Variants in HIVEP3 observed in about 807,000 individuals in gnomAD.
HIVEP3 encodes the protein transcription factor HIVEP3.
In HIVEP3, 49 loss-of-function variants were observed where a neutral mutation model predicts 152.8. The ratio of observed to expected loss-of-function variants is 0.32; its 90% CI spans 0.26 to 0.41. The LOEUF is 0.41. HIVEP3 is among the 10% of genes least tolerant of loss of function. The pLI, the probability that HIVEP3 is intolerant of heterozygous loss-of-function variation, is 1.00. For synonymous variants in HIVEP3, 1,269 were observed against 1,289.0 expected (o/e 0.98, Z 0.33); for missense variants, 2,790 against 3,103.3 (o/e 0.90, Z 2.40).
intron 1 of HIVEP3, among the ~76,000 whole-genome samples, chr1:41,955,145 C>T (rs1450844593): frequency 6.6e-6 from 1 of 151,736 alleles, no homozygotes; most frequent in Admixed American, 6.6e-5. Flanking sequence ...CCAGGTACTA[C>T]AATGAAACCC....
intron 1 of HIVEP3, among the ~76,000 whole-genome samples, chr1:42,016,198 T>A (rs1645521678): frequency 6.6e-6 from 1 of 152,358 alleles, no homozygotes; most frequent in African/African-American, 2.4e-5. Flanking sequence ...TTCCACGTTT[T>A]ATTCTCTATG....
chr1:41,579,704 C>G (rs1489163389), intron 4 of HIVEP3, 33 bp downstream of exon 4: 24 of 1,516,126 alleles, frequency 1.6e-5, no homozygotes, highest in Non-Finnish European at 2.1e-5. Context: ...TTTTGCAAAT[C>G]AGTGATGAGA....
intron 1 of HIVEP3, among the ~76,000 whole-genome samples, chr1:41,798,301 AAG>A (rs1175403418): frequency 6.6e-6 from 1 of 152,082 alleles, no homozygotes; most frequent in Non-Finnish European, 1.5e-5. Flanking sequence ...AAAAAAAAAA[AAG>A]AGAGAAACAC....
At chr1:41,689,955 G>C (rs562329230) in intron 2 of HIVEP3, among the ~76,000 whole-genome samples, 1 of 152,340 alleles carries the variant, frequency 6.6e-6, no homozygotes, top group South Asian at 2.1e-4. Flanking sequence ...AGCCTTCCAC[G>C]GTCCTCCGGG....
Position 41,513,560 on chromosome 1 carries a change from T to G in HIVEP3, c.5661A>C (p.Pro1887=), listed in dbSNP as rs1488638805. 2 of 1,612,026 alleles carry G rather than the reference T, an allele frequency of 1.2e-6. No homozygotes were observed. The highest frequency in any genetic ancestry group is 1.7e-6 in the Non-Finnish European group (2 of 1,179,360). The change falls in exon 8 of 9, where the codon CCA becomes CCC. Residue 1887 remains proline (P), a synonymous_variant. Coordinates refer to ENST00000372583, the MANE Select transcript of HIVEP3 (RefSeq NM_024503.5). ...GTGAGGAGTCTGCCCGCAGTGCATG[T>G]GGTGGGCCAGGCGGGGGCGCCTCTG... ...PSSEAPPPGP[P]HALRADSSPI...
intron 3 of HIVEP3, among the ~76,000 whole-genome samples, chr1:41,598,227 C>T (rs1020719646): frequency 6.6e-6 from 1 of 152,184 alleles, no homozygotes; most frequent in African/African-American, 2.4e-5. Flanking sequence ...ACCCAAATTC[C>T]ACATTTGCTG....
At chr1:41,738,723 A>G (rs904588161) in intron 1 of HIVEP3, among the ~76,000 whole-genome samples, 3 of 152,138 alleles carry the variant, frequency 2.0e-5, no homozygotes, top group Non-Finnish European at 4.4e-5. Flanking sequence ...GGCTTGATCA[A>G]TTCCTTTCTC....
chr1:41,933,287 ACTAT>A (rs375346616), intron 1 of HIVEP3, among the ~76,000 whole-genome samples: 147 of 152,178 alleles, frequency 9.7e-4, no homozygotes, highest in African/African-American at 3.2e-3. Context: ...TAATTGTGAA[ACTAT>A]CTATTTCACT....
intron 1 of HIVEP3, among the ~76,000 whole-genome samples, chr1:41,720,851 A>G (rs1210439633): frequency 6.6e-6 from 1 of 152,256 alleles, no homozygotes; most frequent in East Asian, 1.9e-4. Context: ...CATACAGTTG[A>G]ATATTATTCA....
chr1:41,524,704 A>T (rs1307709462), intron 6 of HIVEP3, 31 bp downstream of exon 6: 2 of 1,594,180 alleles, frequency 1.3e-6, no homozygotes, highest in Non-Finnish European at 1.7e-6. Flanking sequence ...TGCAGCGGGC[A>T]GGGGCAGTGC....
intron 3 of HIVEP3, among the ~76,000 whole-genome samples, chr1:41,608,669 GT>G (rs775861834): frequency 7.2e-5 from 11 of 152,204 alleles, no homozygotes; most frequent in Non-Finnish European, 1.5e-4. Flanking sequence ...TGATTGCTCT[GT>G]CTGTGCAATC....
chr1:42,026,173 G>C (rs1181439011), intron 1 of HIVEP3, among the ~76,000 whole-genome samples: 1 of 151,906 alleles, frequency 6.6e-6, no homozygotes, highest in Non-Finnish European at 1.5e-5. Flanking sequence ...CCTCCCTGCT[G>C]TCCCAGAAGG....
intron 1 of HIVEP3, among the ~76,000 whole-genome samples, chr1:41,857,387 A>G (rs1408465278): frequency 6.6e-6 from 1 of 152,212 alleles, no homozygotes; most frequent in Non-Finnish European, 1.5e-5. Flanking sequence ...TGGTATCACC[A>G]GTAAAATATC....
chr1:41,644,693 C>CTTTTTTTTTTTTT (rs60511656), intron 2 of HIVEP3, among the ~76,000 whole-genome samples: 6 of 74,738 alleles, frequency 8.0e-5, no homozygotes, highest in Non-Finnish European at 1.2e-4. Flanking sequence ...CATATCTGTT[C>CTTTTTTTTTTTTT]TTTTTTTTTT....
At chr1:41,857,139 C>T (rs983594847) in intron 1 of HIVEP3, among the ~76,000 whole-genome samples, 15 of 152,142 alleles carry the variant, frequency 9.9e-5, no homozygotes, top group Non-Finnish European at 1.8e-4. Context: ...TCCTCCCCTT[C>T]CTGATCCAAT....
intron 1 of HIVEP3, among the ~76,000 whole-genome samples, chr1:41,709,129 C>G (rs7530909): frequency 0.12 from 18,350 of 152,170 alleles, 3,668 homozygotes; most frequent in African/African-American, 0.42. Flanking sequence ...GGCCTTGGGT[C>G]ATGACACTGC....
chr1:41,742,004 T>C (rs950000613), intron 1 of HIVEP3, among the ~76,000 whole-genome samples: 8 of 152,248 alleles, frequency 5.3e-5, no homozygotes, highest in African/African-American at 1.9e-4. Flanking sequence ...CTGACTTGAT[T>C]TGTGGCAAGA....
intron 1 of HIVEP3, among the ~76,000 whole-genome samples, chr1:41,858,358 T>C (rs1432022098): frequency 6.6e-6 from 1 of 152,216 alleles, no homozygotes; most frequent in Non-Finnish European, 1.5e-5. Flanking sequence ...TGTTTATTTA[T>C]AAATTATATT....
intron 1 of HIVEP3, among the ~76,000 whole-genome samples, chr1:41,964,867 C>T (rs115938813): frequency 5.6e-4 from 86 of 152,374 alleles, no homozygotes; most frequent in African/African-American, 1.5e-3. Flanking sequence ...TCTGGGCAAG[C>T]GGGATTCCCC....
Sources: gnomAD v4.1 joint callset for allele counts (sites outside exome capture counted in the v4.1 genomes callset) on GRCh38, gnomAD v4.1.1 for gene constraint, MANE v1.5 for transcripts, NCBI Gene and HGNC (gene_info 2026-07-23, HGNC 2026-07-21) for gene names.